CCDC178: variants seen among roughly 807,000 people sequenced by gnomAD.
CCDC178 encodes coiled-coil domain containing 178.
CCDC178 carries 126 observed loss-of-function variants against 117.4 expected under a neutral mutation model. The observed-to-expected ratio is 1.07, with a 90% CI of 0.93 to 1.24. The LOEUF (loss-of-function observed/expected upper bound fraction) is 1.24, where lower values mean the gene tolerates loss of function less well. Among genes scored for constraint, CCDC178 ranks in the 50% most tolerant of loss-of-function variants. The probability of loss-of-function intolerance (pLI) is 0.00; values close to 1 mark genes in which losing one functional copy is unlikely to be tolerated. For missense variants in CCDC178, 1,030 were observed against 986.9 expected, an observed-to-expected ratio of 1.04 and a Z score of -0.59; for synonymous variants, 283 against 313.4, an observed-to-expected ratio of 0.90 and a Z score of 1.02.
At position 33,275,075 on chromosome 18, in the gene CCDC178, G is replaced by A. The variant is rs116657241; in HGVS notation, c.1177-7778C>T. Among the ~76,000 whole-genome samples the A allele has an allele frequency of 6.0e-3, 907 of 151,986 alleles. 7 individuals are homozygous for A. Among genetic ancestry groups the A allele is most frequent in the African/African-American group, 0.021 (869 of 41,494 alleles). On this transcript the variant is annotated intron_variant, in intron 12 of 22. Coordinates refer to ENST00000383096, the MANE Select transcript of CCDC178 (RefSeq NM_001105528.4). ...TAGTATGCCATTAACGGAAATCTTT[G>A]CATTAAAAAGGAAATTTAAGTGGCT...
chr18:33,222,701 C>T (rs1041087653), intron 18 of CCDC178, among the ~76,000 whole-genome samples: 1 of 151,992 alleles, frequency 6.6e-6, no homozygotes, highest in Non-Finnish European at 1.5e-5. Context: ...TTCCCCTTTT[C>T]CTTCCTTTTC....
chr18:33,121,401 C>G (rs1259492559), intron 20 of CCDC178, among the ~76,000 whole-genome samples: 2 of 152,020 alleles, frequency 1.3e-5, no homozygotes, highest in African/African-American at 4.8e-5. Flanking sequence ...TAGCTAGTCC[C>G]CATAATACTG....
rs758749921 is a variant in CCDC178, at chr18:33,028,151, TAGAA to T, written c.2389-53474_2389-53471del. ...AGGAAGGAAATAATAAAGCTCTGAA[TAGAA>T]ATTGAACACATTTACAGTAGAGAAA... On this transcript the variant is annotated intron_variant, in intron 21 of 22. Transcript: ENST00000383096. Among the ~76,000 whole-genome samples the T allele has an allele frequency of 3.1e-4, 47 of 151,722 alleles. No homozygotes were observed. The South Asian group carries it at 6.6e-3, about 21-fold the overall frequency.
chr18:33,164,599 CAA>C (rs34066381), intron 20 of CCDC178, among the ~76,000 whole-genome samples: 20 of 137,652 alleles, frequency 1.5e-4, no homozygotes, highest in East Asian at 4.2e-4. Context: ...TCTTCCCTAG[CAA>C]AAAAAAAAAA....
intron 18 of CCDC178, among the ~76,000 whole-genome samples, chr18:33,220,516 G>C (rs2059219206): frequency 6.6e-6 from 1 of 151,978 alleles, no homozygotes; most frequent in Non-Finnish European, 1.5e-5. Context: ...TACATAGTAG[G>C]TATTGGCATG....
At chr18:33,280,756 T>A (rs1379950950) in intron 12 of CCDC178, among the ~76,000 whole-genome samples, 1 of 152,172 alleles carries the variant, frequency 6.6e-6, no homozygotes, top group South Asian at 2.1e-4. Context: ...ATATACATGA[T>A]GGAATACTAT....
chr18:33,253,109 T>C (rs975403801), intron 14 of CCDC178, among the ~76,000 whole-genome samples: 10 of 151,806 alleles, frequency 6.6e-5, no homozygotes, highest in African/African-American at 2.4e-4. Flanking sequence ...TAATGGATGC[T>C]CATTGGTTTG....
chr18:33,311,503 A>C (rs1171220755), intron 11 of CCDC178, among the ~76,000 whole-genome samples: 1 of 152,268 alleles, frequency 6.6e-6, no homozygotes, highest in East Asian at 1.9e-4. Context: ...CCTCAGCTCC[A>C]GTGAGTGTCC....
At chr18:33,429,038 CAA>C (rs2064168720) in intron 2 of CCDC178, among the ~76,000 whole-genome samples, 1 of 131,868 alleles carries the variant, frequency 7.6e-6, no homozygotes, top group African/African-American at 2.8e-5. Context: ...AAAAAAAAAA[CAA>C]GAGAAATATG....
chr18:32,999,301 A>G (rs997081297), intron 21 of CCDC178, among the ~76,000 whole-genome samples: 2 of 152,146 alleles, frequency 1.3e-5, no homozygotes, highest in Admixed American at 6.5e-5. Context: ...TGTGTTTTGC[A>G]TGCCAGCTCA....
intron 20 of CCDC178, among the ~76,000 whole-genome samples, chr18:33,165,414 G>T (rs934257941): frequency 1.3e-5 from 2 of 152,144 alleles, no homozygotes; most frequent in African/African-American, 2.4e-5. Flanking sequence ...GATTCAGGAG[G>T]ATGTGTGTAG....
At chr18:33,127,893 G>A (rs545163333) in intron 20 of CCDC178, among the ~76,000 whole-genome samples, 1 of 152,138 alleles carries the variant, frequency 6.6e-6, no homozygotes, top group Non-Finnish European at 1.5e-5. Flanking sequence ...CTGGATGAAG[G>A]ATTTGGAAGG....
chr18:33,002,991 T>C (rs2144775523), intron 21 of CCDC178, among the ~76,000 whole-genome samples: 1 of 152,062 alleles, frequency 6.6e-6, no homozygotes, highest in South Asian at 2.1e-4. Flanking sequence ...AAAGCCACAA[T>C]CTGAACAGAC....
At position 33,313,971 on chromosome 18, in the gene CCDC178, C is replaced by T. The variant is rs1011053964; in HGVS notation, c.1022+9520G>A. ...ATCCCAGCACTTTGGGAGGCCGAGG[C>T]GGGCGGATCACGAGGTCAGGAGATC... On this transcript the variant is annotated intron_variant, in intron 11 of 22. Coordinates refer to ENST00000383096, the MANE Select transcript of CCDC178 (RefSeq NM_001105528.4). Among the ~76,000 whole-genome samples, 8 of 151,790 alleles carry T rather than the reference C, an allele frequency of 5.3e-5. No individual in the cohort carries two copies. In the South Asian group the frequency reaches 6.3e-4, roughly 12 times the overall value.
chr18:33,096,647 A>C, intron 20 of CCDC178, among the ~76,000 whole-genome samples: 1 of 152,024 alleles, frequency 6.6e-6, no homozygotes, highest in Admixed American at 6.6e-5. Flanking sequence ...GAAGTTGATA[A>C]GCAATGGAAG....
Position 33,379,097 on chromosome 18 carries a change from G to GTA in CCDC178, c.209-8910_209-8909dup, listed in dbSNP as rs918606471. 5.9e-4 allele frequency among the ~76,000 whole-genome samples: 50 copies of GTA among 84,138 alleles called. 1 individual carries two copies. Among genetic ancestry groups the GTA allele is most frequent in the African/African-American group, 2.4e-3 (48 of 20,388 alleles). The allele number at this position is 84,138 out of a possible 152,430, so 55.2% of individuals were successfully genotyped here. A position where few individuals can be genotyped will look rare whatever the true frequency, so the allele number is the denominator to read the frequency against. On this transcript the variant is annotated intron_variant, in intron 5 of 22. Transcript: ENST00000383096. ...GATTTTTTCTTTTTATTTCTTTGCC[G>GTA]TATATATATATATTTCCATATATAT...
At chr18:33,103,958 A>T (rs273024) in intron 20 of CCDC178, among the ~76,000 whole-genome samples, 21,612 of 151,838 alleles carry the variant, frequency 0.14, 2,389 homozygotes, top group African/African-American at 0.31. Context: ...CACAGAATGA[A>T]CTTTAAAATA....
intron 21 of CCDC178, among the ~76,000 whole-genome samples, chr18:33,049,015 C>T (rs535647395): frequency 5.9e-5 from 9 of 152,142 alleles, no homozygotes; most frequent in South Asian, 2.1e-4. Context: ...ATTGTAGTGA[C>T]ACTGGGTTCT....
intron 20 of CCDC178, among the ~76,000 whole-genome samples, chr18:33,167,169 C>T (rs1016327709): frequency 5.3e-5 from 8 of 152,124 alleles, no homozygotes; most frequent in Admixed American, 3.9e-4. Flanking sequence ...TTTTCTTTAT[C>T]CAGTCTGCCA....
Sources: allele counts gnomAD v4.1 joint callset (sites outside exome capture counted in the v4.1 genomes callset), GRCh38; gene constraint gnomAD v4.1.1; transcripts MANE v1.5; gene names NCBI Gene and HGNC (gene_info 2026-07-23, HGNC 2026-07-21).